The following THSD7A variants were observed in gnomAD, a reference collection of about 807,000 sequenced individuals.
THSD7A encodes the protein thrombospondin type 1 domain containing 7A.
Under a neutral mutation model 231.3 loss-of-function variants are expected in THSD7A, and 96 were observed. That is an observed-to-expected ratio of 0.41 (90% CI 0.35 to 0.49). THSD7A has a LOEUF of 0.49. Among genes scored for constraint, THSD7A ranks in the 20% least tolerant of loss-of-function variants. The pLI is 0.05. For missense variants in THSD7A, 2,290 were observed against 2,070.2 expected (o/e 1.11, Z -2.06); for synonymous variants, 940 against 743.3 (o/e 1.26, Z -4.30).
intron 2 of THSD7A, among the ~76,000 whole-genome samples, chr7:11,612,128 G>A (rs914933025): frequency 3.9e-5 from 6 of 152,078 alleles, no homozygotes; most frequent in African/African-American, 1.4e-4. Flanking sequence ...TCCCTCCAAA[G>A]GTTCTACTGA....
intron 6 of THSD7A, among the ~76,000 whole-genome samples, chr7:11,528,859 T>C (rs1387266475): frequency 6.6e-6 from 1 of 152,130 alleles, no homozygotes; most frequent in Non-Finnish European, 1.5e-5. Flanking sequence ...TTTTTGAAGA[T>C]ATATTTTCCT....
At chr7:11,721,085 A>T (rs1168944705) in intron 1 of THSD7A, among the ~76,000 whole-genome samples, 1 of 151,856 alleles carries the variant, frequency 6.6e-6, no homozygotes, top group Non-Finnish European at 1.5e-5. Context: ...GATTTGATTA[A>T]TATATTAAAC....
intron 6 of THSD7A, among the ~76,000 whole-genome samples, chr7:11,539,659 A>G (rs930993372): frequency 2.0e-5 from 3 of 152,186 alleles, no homozygotes; most frequent in African/African-American, 7.2e-5. Flanking sequence ...CACTTAACAA[A>G]ATGAAAATAA....
At chr7:11,735,709 T>C (rs1282401304) in intron 1 of THSD7A, among the ~76,000 whole-genome samples, 1 of 151,934 alleles carries the variant, frequency 6.6e-6, no homozygotes, top group East Asian at 1.9e-4. Flanking sequence ...CATCTAAATG[T>C]GTAAGAAACA....
intron 1 of THSD7A, among the ~76,000 whole-genome samples, chr7:11,681,029 G>T (rs1290116885): frequency 1.3e-5 from 2 of 152,002 alleles, no homozygotes; most frequent in Non-Finnish European, 2.9e-5. Context: ...CCATAAAAAA[G>T]AATGAGTTCA....
intron 1 of THSD7A, among the ~76,000 whole-genome samples, chr7:11,815,542 A>G (rs1784665019): frequency 6.6e-6 from 1 of 152,160 alleles, no homozygotes; most frequent in African/African-American, 2.4e-5. Context: ...AAAATATTAC[A>G]TCATTCTTAT....
intron 7 of THSD7A, among the ~76,000 whole-genome samples, chr7:11,478,541 G>A (rs934957590): frequency 2.6e-5 from 4 of 151,900 alleles, no homozygotes; most frequent in Non-Finnish European, 2.9e-5. Context: ...TTTTTGGATA[G>A]AATTGTTCAG....
chr7:11,584,413 A>T (rs1386292419), intron 4 of THSD7A, among the ~76,000 whole-genome samples: 2 of 152,208 alleles, frequency 1.3e-5, no homozygotes, highest in East Asian at 3.8e-4. Flanking sequence ...TTAATAAAAT[A>T]TAAGAGTGTT....
intron 1 of THSD7A, among the ~76,000 whole-genome samples, chr7:11,691,479 G>A (rs983174669): frequency 1.3e-5 from 2 of 151,132 alleles, no homozygotes; most frequent in Non-Finnish European, 3.0e-5. Flanking sequence ...AAAAAAGAGG[G>A]CTACCTTCCA....
At chr7:11,494,309 T>C (rs887167966) in intron 6 of THSD7A, among the ~76,000 whole-genome samples, 7 of 152,000 alleles carry the variant, frequency 4.6e-5, no homozygotes, top group Non-Finnish European at 8.8e-5. Context: ...CTGGGTTTAA[T>C]CAACCATTTC....
At chr7:11,585,256 CT>C (rs1791350786) in intron 4 of THSD7A, among the ~76,000 whole-genome samples, 1 of 152,198 alleles carries the variant, frequency 6.6e-6, no homozygotes, top group Non-Finnish European at 1.5e-5. Flanking sequence ...AGCTGAACCT[CT>C]TGACATCTCA....
chr7:11,736,940 A>G (rs1001976207), intron 1 of THSD7A, among the ~76,000 whole-genome samples: 1 of 151,926 alleles, frequency 6.6e-6, no homozygotes, highest in African/African-American at 2.4e-5. Context: ...AATTCTCACG[A>G]GATATGATTT....
In THSD7A at chr7:11,377,557, ATTTT is replaced by A. The variant is rs1782324143; in HGVS notation, c.4802-904_4802-901del. Among the ~76,000 whole-genome samples the A allele has an allele frequency of 3.3e-5, 5 of 152,126 alleles. No individual in the cohort carries two copies. Among genetic ancestry groups the A allele is most frequent in the Admixed American group, 3.3e-4 (5 of 15,248 alleles). ...ATCAAATGGAAATTGGTACTGTGGAATTTTTTTGCCCGGAGTTAGATCAAGTTAG... is the reference window on the plus strand; with the variant it reads ...ATCAAATGGAAATTGGTACTGTGGAATTTGCCCGGAGTTAGATCAAGTTAG... On this transcript the variant is annotated intron_variant, in intron 26 of 27. Coordinates refer to ENST00000423059, the MANE Select transcript of THSD7A (RefSeq NM_015204.3). This position sits in a 1 kb window ranked among gnomAD's most constrained non-coding sequence, Gnocchi z 4.5.
At chr7:11,531,372 C>T (rs1381362638) in intron 6 of THSD7A, among the ~76,000 whole-genome samples, 4 of 152,156 alleles carry the variant, frequency 2.6e-5, no homozygotes, top group South Asian at 2.1e-4. Context: ...TTGTTTCAAA[C>T]CCTTCAATAG....
chr7:11,480,240 T>A (rs1786368448), intron 7 of THSD7A, among the ~76,000 whole-genome samples: 1 of 152,184 alleles, frequency 6.6e-6, no homozygotes, highest in African/African-American at 2.4e-5. Context: ...TTTCTGCCTT[T>A]AAAACATTTC....
At position 11,593,505 on chromosome 7, in the gene THSD7A, G is replaced by A. The variant is rs747486673; in HGVS notation, c.1023-3C>T. 2 of 1,613,416 alleles carry A rather than the reference G, an allele frequency of 1.2e-6. No homozygotes were observed. The highest frequency in any genetic ancestry group is 2.7e-5 in the African/African-American group (2 of 74,916). ...GAAGCTTCTCTTGCTGGCAAAAGCT[G>A]TAAAAGAGCATTGATATTCTCATTA... On this transcript the variant is annotated splice_region_variant and splice_polypyrimidine_tract_variant and intron_variant, in intron 2 of 27. Transcript: ENST00000423059.
Position 11,516,565 on chromosome 7 carries a change from A to G in THSD7A, c.1822+24854T>C, listed in dbSNP as rs1788038516. ...GATGACCTTGTTTGTACAGCAGTCA[A>G]TGCCAACATCCATCTTCAGTGTGAA... On this transcript the variant is annotated intron_variant, in intron 6 of 27. Coordinates refer to ENST00000423059, the MANE Select transcript of THSD7A (RefSeq NM_015204.3). Among the ~76,000 whole-genome samples, 3 of 152,198 alleles carry G rather than the reference A, an allele frequency of 2.0e-5. No homozygotes were observed. The South Asian group carries it at 6.2e-4, about 32-fold the overall frequency.
At chr7:11,810,892 A>C (rs1319336535) in intron 1 of THSD7A, among the ~76,000 whole-genome samples, 1 of 152,170 alleles carries the variant, frequency 6.6e-6, no homozygotes. Context: ...AAAAGCACAC[A>C]ATTAAATTAG....
At chr7:11,471,361 T>C (rs905121621) in intron 8 of THSD7A, among the ~76,000 whole-genome samples, 3 of 152,146 alleles carry the variant, frequency 2.0e-5, no homozygotes, top group South Asian at 4.1e-4. Context: ...AGTTTGTCTT[T>C]TGTCAAGTAA....
Sources: gnomAD v4.1 joint callset for allele counts (sites outside exome capture counted in the v4.1 genomes callset) on GRCh38, gnomAD v4.1.1 for gene constraint, Gnocchi (gnomAD v3.1) non-coding constraint, MANE v1.5 for transcripts, NCBI Gene and HGNC (gene_info 2026-07-23, HGNC 2026-07-21) for gene names.